Variants in PPAT observed in about 807,000 individuals in gnomAD.
PPAT encodes the protein amidophosphoribosyltransferase.
Under a neutral mutation model 60.2 loss-of-function variants are expected in PPAT, and 20 were observed. The ratio of observed to expected loss-of-function variants is 0.33; its 90% CI spans 0.23 to 0.48. The LOEUF (loss-of-function observed/expected upper bound fraction) is 0.48. Among genes scored for constraint, PPAT ranks in the 20% least tolerant of loss-of-function variants. The pLI is 0.99. For missense variants in PPAT, 349 were observed against 629.6 expected (o/e 0.55, Z 4.77); for synonymous variants, 194 against 215.1 (o/e 0.90, Z 0.86).
rs1312175111 is a variant in PPAT at position 56,435,460 on chromosome 4, C to T, written c.18G>A (p.Leu6=). MELEE[L]GIREECGVFG... is the part of the protein sequence containing the mutation. ...ACACGCCACATTCCTCTCGGATCCC[C>T]AACTCCTCCAGCTCCATGTCGCCGC... The change falls in exon 1 of 11, where the codon TTG becomes TTA. Residue 6 remains leucine, a synonymous_variant. Coordinates refer to ENST00000264220, the MANE Select transcript of PPAT (RefSeq NM_002703.5). 7.4e-6 allele frequency: 12 copies of T among 1,613,792 alleles called. No individual in the cohort carries two copies. Among genetic ancestry groups the T allele is most frequent in the Non-Finnish European group, 6.8e-6 (8 of 1,179,952 alleles).
At position 56,400,973 on chromosome 4, in the gene PPAT, T is replaced by TA. The variant is rs936640599; in HGVS notation, c.887-63dup. 11 of 1,469,944 alleles carry TA rather than the reference T, an allele frequency of 7.5e-6. No homozygotes were observed. The African/African-American group carries it at 1.1e-4, about 15-fold the overall frequency. 91.1% of individuals were successfully genotyped at this position (1,469,944 alleles called of 1,614,324 possible). A position where few individuals can be genotyped will look rare whatever the true frequency, so the allele number is the denominator to read the frequency against. ...TTAGCATGATATAACAGTGTTATTC[T>TA]AAAAAACTAGTGCTAGAATTCTACA... is the stretch of plus-strand genomic sequence containing the variant. On this transcript the variant is annotated intron_variant, in intron 7 of 10. Coordinates refer to ENST00000264220, the MANE Select transcript of PPAT (RefSeq NM_002703.5).
Position 56,435,554 on chromosome 4 carries a change from G to T in PPAT, c.-77C>A. 2 of 1,604,698 alleles carry T rather than the reference G, an allele frequency of 1.2e-6. No individual in the cohort carries two copies. The highest frequency in any genetic ancestry group is 2.2e-5 in the South Asian group (2 of 90,444). On this transcript the variant is annotated 5_prime_UTR_variant, in exon 1 of 11. Transcript: ENST00000264220. Reference sequence around the variant, plus strand: ...CACCAACCAGCTGCCAGCTCGGCCCGTCGAGCTCAGAAGCTCGCGCTCGCG... The same window carrying T: ...CACCAACCAGCTGCCAGCTCGGCCCTTCGAGCTCAGAAGCTCGCGCTCGCG...
chr4:56,428,159 T>C (rs1222666181), intron 1 of PPAT, among the ~76,000 whole-genome samples: 1 of 152,250 alleles, frequency 6.6e-6, no homozygotes, highest in East Asian at 1.9e-4. Context: ...CTTGGTACTT[T>C]ATGCCATCAC....
chr4:56,429,833 A>C (rs2110067750), intron 1 of PPAT, among the ~76,000 whole-genome samples: 1 of 152,274 alleles, frequency 6.6e-6, no homozygotes, highest in African/African-American at 2.4e-5. Flanking sequence ...CACTTCTATC[A>C]CCATAGATTA....
chr4:56,402,907 A>ATTTATT (rs1158875462), intron 5 of PPAT, 133 bp downstream of exon 5: 4 of 696,614 alleles, frequency 5.7e-6, no homozygotes, highest in Admixed American at 3.6e-5. Flanking sequence ...GGAAGAATAC[A>ATTTATT]TTTATTTTTA....
At chr4:56,405,958 C>T (rs1398990608) in intron 3 of PPAT, among the ~76,000 whole-genome samples, 1 of 152,108 alleles carries the variant, frequency 6.6e-6, no homozygotes, top group Non-Finnish European at 1.5e-5. Flanking sequence ...GGACTGAGCC[C>T]TTAACTTCTG....
chr4:56,417,585 A>G (rs1450984851), intron 1 of PPAT, among the ~76,000 whole-genome samples: 24 of 152,182 alleles, frequency 1.6e-4, no homozygotes, highest in Admixed American at 1.5e-3. Flanking sequence ...GTTCGAGACT[A>G]GCCTGGGCAA....
chr4:56,398,898 T>C (rs994159357), intron 9 of PPAT, among the ~76,000 whole-genome samples: 2 of 152,120 alleles, frequency 1.3e-5, no homozygotes, highest in Non-Finnish European at 2.9e-5. Context: ...AGCAACCTCC[T>C]ACCTCAGGCT....
At chr4:56,408,753 CAAA>C (rs35367469) in intron 1 of PPAT, among the ~76,000 whole-genome samples, 3,897 of 132,914 alleles carry the variant, frequency 0.029, 202 homozygotes, top group African/African-American at 0.1. Flanking sequence ...GATTCCGTTT[CAAA>C]AAAAAAAAAA....
rs572088030 is a variant in PPAT at position 56,426,377 on chromosome 4, G to T, written c.128+8973C>A. Among the ~76,000 whole-genome samples, 107 of 152,066 alleles carry T rather than the reference G, an allele frequency of 7.0e-4. 1 individual carries two copies. In the South Asian group the frequency reaches 0.021, roughly 30 times the overall value. ...TGGTCACACCACTGCACTCCAGCCT[G>T]GGCGACTGAGCAAGACTCTGTCTCA... On this transcript the variant is annotated intron_variant, in intron 1 of 10. Coordinates refer to ENST00000264220, the MANE Select transcript of PPAT (RefSeq NM_002703.5).
intron 9 of PPAT, among the ~76,000 whole-genome samples, chr4:56,398,107 G>A (rs1485329606): frequency 1.3e-5 from 2 of 152,092 alleles, no homozygotes; most frequent in East Asian, 1.9e-4. Flanking sequence ...GATGGCTCAC[G>A]TCTGTAATCC....
chr4:56,427,661 T>C (rs899244293), intron 1 of PPAT, among the ~76,000 whole-genome samples: 2 of 134,138 alleles, frequency 1.5e-5, no homozygotes, highest in East Asian at 4.2e-4. Flanking sequence ...AAAAAAAAAA[T>C]TCATAAGGCT....
rs1380645842 is a variant in PPAT at position 56,396,268 on chromosome 4, G to A, written c.1357+351C>T. The A allele has an allele frequency of 6.2e-6, 1 of 160,464 alleles. No homozygotes were observed. The highest frequency in any genetic ancestry group is 1.4e-5 in the Non-Finnish European group (1 of 73,938). 9.9% of individuals were successfully genotyped at this position (160,464 alleles called of 1,614,324 possible). A position where few individuals can be genotyped will look rare whatever the true frequency, so the allele number is the denominator to read the frequency against. ...AACCTACACAAACTTTTTACCTTGT[G>A]ATTTGTATCCACATCCAAATTACTC... On this transcript the variant is annotated intron_variant, in intron 10 of 10. Transcript: ENST00000264220. The surrounding 1 kb of genome is among the most constrained non-coding windows in gnomAD (Gnocchi z 4.6).
chr4:56,423,484 A>G (rs1329909898), intron 1 of PPAT: 2 of 152,148 alleles, frequency 1.3e-5, no homozygotes, highest in Non-Finnish European at 2.9e-5. Flanking sequence ...ATTTTAAAAA[A>G]TAAGAAAATC....
At chr4:56,398,036 G>A (rs958938268) in intron 9 of PPAT, among the ~76,000 whole-genome samples, 4 of 143,128 alleles carry the variant, frequency 2.8e-5, no homozygotes, top group Non-Finnish European at 6.3e-5. Context: ...GTGAGTCCCA[G>A]TATCAAGGAA....
At chr4:56,402,850 G>GAAAAAAAAAAAAAA (rs1177644230) in intron 5 of PPAT, among the ~76,000 whole-genome samples, 190 bp downstream of exon 5, 1 of 41,146 alleles carries the variant, frequency 2.4e-5, no homozygotes, top group African/African-American at 9.8e-5. Flanking sequence ...AAAAAAAAAG[G>GAAAAAAAAAAAAAA]GGGGGGACTC....
At chr4:56,432,986 A>ACG (rs10674802) in intron 1 of PPAT, among the ~76,000 whole-genome samples, 4,125 of 148,888 alleles carry the variant, frequency 0.028, 210 homozygotes, top group African/African-American at 0.097. Context: ...ATATACATAC[A>ACG]CACACGTATT....
intron 1 of PPAT, chr4:56,408,207 G>C (rs1208333472): frequency 6.5e-6 from 1 of 153,922 alleles, no homozygotes; most frequent in Non-Finnish European, 1.4e-5. Context: ...GGAGGCTGAC[G>C]TGGGCGGATT....
rs1715971298 is a variant in PPAT at position 56,396,559 on chromosome 4, C to T, written c.1357+60G>A. 8.7e-6 allele frequency: 13 copies of T among 1,494,690 alleles called. No individual in the cohort carries two copies. The highest frequency in any genetic ancestry group is 7.4e-6 in the Non-Finnish European group (8 of 1,085,448). The allele number at this position is 1,494,690 out of a possible 1,614,324, so 92.6% of individuals were successfully genotyped here. ...CTCCTTTTTACTAAAGGTGTAAAGA[C>T]TGTCAAGCTTTGGATTTTCTCTGTT... On this transcript the variant is annotated intron_variant, in intron 10 of 10. Transcript: ENST00000264220. The surrounding 1 kb of genome is among the most constrained non-coding windows in gnomAD (Gnocchi z 4.6).
Sources: gnomAD v4.1 joint callset for allele counts (sites outside exome capture counted in the v4.1 genomes callset) on GRCh38, gnomAD v4.1.1 for gene constraint, Gnocchi (gnomAD v3.1) non-coding constraint, MANE v1.5 for transcripts, NCBI Gene and HGNC (gene_info 2026-07-23, HGNC 2026-07-21) for gene names.